The following P2RY2 variants were observed in gnomAD, a reference collection of about 807,000 sequenced individuals.
P2RY2 encodes the protein P2Y purinoceptor 2.
For missense variants in P2RY2, 567 were observed against 515.7 expected (o/e 1.10, Z -0.96); for synonymous variants, 241 against 231.9 (o/e 1.04, Z -0.35).
chr11:73,231,076 CTCT>C (rs1862441482), intron 2 of P2RY2, among the ~76,000 whole-genome samples: 1 of 152,186 alleles, frequency 6.6e-6, no homozygotes, highest in South Asian at 2.1e-4. Flanking sequence ...ATCTACCTGT[CTCT>C]TCTTAACTTG....
At chr11:73,228,710 C>G (rs917903652) in intron 2 of P2RY2, among the ~76,000 whole-genome samples, 11 of 152,198 alleles carry the variant, frequency 7.2e-5, no homozygotes, top group African/African-American at 2.7e-4. Flanking sequence ...ACCAGAACCC[C>G]TAGAGGGGCT....
At chr11:73,222,232 G>C (rs574996023) in intron 1 of P2RY2, among the ~76,000 whole-genome samples, 133 of 152,204 alleles carry the variant, frequency 8.7e-4, no homozygotes, top group Non-Finnish European at 1.3e-3. Flanking sequence ...AGAGCCTCTG[G>C]GTGTCGACCT....
Position 73,242,005 on chromosome 11 carries a change from C to T in P2RY2, c.*6712C>T, listed in dbSNP as rs906211326. ...CCTGTCCCCCTCCCACCCCACACCC[C>T]ACACTTGGCTGAGATCTCACAGTGG... On this transcript the variant is annotated 3_prime_UTR_variant, in exon 3 of 3. Transcript: ENST00000393597. The T allele has an allele frequency of 6.6e-6, 1 of 152,256 alleles. No individual in the cohort carries two copies. The highest frequency in any genetic ancestry group is 2.4e-5 in the African/African-American group (1 of 41,420). 9.4% of individuals were successfully genotyped at this position (152,256 alleles called of 1,614,324 possible).
At chr11:73,222,841 T>A (rs564938546) in intron 1 of P2RY2, among the ~76,000 whole-genome samples, 1 of 152,332 alleles carries the variant, frequency 6.6e-6, no homozygotes, top group East Asian at 1.9e-4. Flanking sequence ...TTATGGTTTA[T>A]TCACCCAAGT....
intron 1 of P2RY2, among the ~76,000 whole-genome samples, chr11:73,224,159 G>A (rs558406396): frequency 1.3e-4 from 20 of 152,316 alleles, no homozygotes; most frequent in Middle Eastern, 3.4e-3. Flanking sequence ...TGGTGCTCCC[G>A]GTGCAGAAGC....
At position 73,237,554 on chromosome 11, in the gene P2RY2, G is replaced by A. The variant is rs547974198; in HGVS notation, c.*2261G>A. Among the ~76,000 whole-genome samples, 8 of 152,190 alleles carry A rather than the reference G, an allele frequency of 5.3e-5. No individual in the cohort carries two copies. Among genetic ancestry groups the A allele is most frequent in the Middle Eastern group, 3.4e-3 (1 of 294 alleles). On this transcript the variant is annotated 3_prime_UTR_variant, in exon 3 of 3. Coordinates refer to ENST00000393597, the MANE Select transcript of P2RY2 (RefSeq NM_002564.4). Reference sequence around the variant, plus strand: ...TGAGCCACCGCACCCGGCCCCTCTTGAGCTTTCTTAATGATTGCCTGTTAC... The same window carrying A: ...TGAGCCACCGCACCCGGCCCCTCTTAAGCTTTCTTAATGATTGCCTGTTAC...
intron 1 of P2RY2, among the ~76,000 whole-genome samples, chr11:73,227,007 G>A (rs1235985436): frequency 6.6e-6 from 1 of 151,930 alleles, no homozygotes; most frequent in Non-Finnish European, 1.5e-5. Flanking sequence ...GTATACACAT[G>A]CCCTGGTGGT....
intron 1 of P2RY2, 115 bp from the exon 2 acceptor site, chr11:73,227,864 CCT>C (rs1181873761): frequency 6.6e-6 from 1 of 152,190 alleles, no homozygotes; most frequent in Non-Finnish European, 1.5e-5. Flanking sequence ...CACCAGGCCA[CCT>C]CTCTGCCTCC....
At chr11:73,233,571 A>G (rs1862522210) in intron 2 of P2RY2, among the ~76,000 whole-genome samples, 1 of 152,264 alleles carries the variant, frequency 6.6e-6, no homozygotes, top group Admixed American at 6.5e-5. Context: ...TCAGAATCCT[A>G]GATCTAAAAC....
chr11:73,223,242 T>TC lies in P2RY2; in HGVS notation c.-199-4734dup, dbSNP rs529247263. On this transcript the variant is annotated intron_variant, in intron 1 of 2. Transcript: ENST00000393597. ...ATGTGGTTCCTGGTTGATGCTTTCA[T>TC]CCCCCTTTCCACCTTGGATTCTCCA... Among the ~76,000 whole-genome samples the TC allele has an allele frequency of 5.3e-3, 800 of 152,276 alleles. 2 individuals carry two copies. The highest frequency in any genetic ancestry group is 0.01 in the Middle Eastern group (3 of 294).
chr11:73,235,604 G>A lies in P2RY2; in HGVS notation c.*311G>A. ...GCTGGCTGTACTGCCAAGGTACCTAGGTTGGAGTCCAGCCTAATCAAGTCA... is the reference window on the plus strand; with the variant it reads ...GCTGGCTGTACTGCCAAGGTACCTAAGTTGGAGTCCAGCCTAATCAAGTCA... On this transcript the variant is annotated 3_prime_UTR_variant, in exon 3 of 3. Transcript: ENST00000393597. The A allele has an allele frequency of 9.1e-7, 1 of 1,098,300 alleles. No individual in the cohort carries two copies. Among genetic ancestry groups the A allele is most frequent in the Non-Finnish European group, 1.1e-6 (1 of 894,676 alleles). The allele number at this position is 1,098,300 out of a possible 1,614,324, so 68.0% of individuals were successfully genotyped here.
At chr11:73,229,184 G>A (rs530382296) in intron 2 of P2RY2, among the ~76,000 whole-genome samples, 1 of 152,312 alleles carries the variant, frequency 6.6e-6, no homozygotes, top group Non-Finnish European at 1.5e-5. Context: ...CCTGAGGGGT[G>A]ATGGAAGGGA....
chr11:73,235,146 C>T lies in P2RY2; in HGVS notation c.987C>T (p.Ala329=). The T allele has an allele frequency of 3.1e-6, 5 of 1,609,122 alleles. No individual in the cohort carries two copies. The highest frequency in any genetic ancestry group is 4.2e-6 in the Non-Finnish European group (5 of 1,179,296). ...AGCCACCCACTGGCCCCAGCCCTGC[C>T]ACCCCGGCTCGCCGCAGGCTGGGCC... ...DAKPPTGPSP[A]TPARRRLGLR... The change falls in exon 3 of 3, where the codon GCC becomes GCT. Residue 329 remains alanine (A), a synonymous_variant. Coordinates refer to ENST00000393597, the MANE Select transcript of P2RY2 (RefSeq NM_002564.4).
chr11:73,233,737 G>T (rs1404076461), intron 2 of P2RY2, among the ~76,000 whole-genome samples: 2 of 152,186 alleles, frequency 1.3e-5, no homozygotes, highest in African/African-American at 4.8e-5. Context: ...TTTCTGCCTT[G>T]GCCTCCTGAG....
rs780577327 is a variant in P2RY2, at chr11:73,234,366, C to A, written c.207C>A (p.Thr69=). 7 of 1,614,232 alleles carry A rather than the reference C, an allele frequency of 4.3e-6. No homozygotes were observed. The highest frequency in any genetic ancestry group is 5.9e-6 in the Non-Finnish European group (7 of 1,180,034). The change falls in exon 3 of 3, where the codon ACC becomes ACA. Residue 69 remains threonine (T), a synonymous_variant. Coordinates refer to ENST00000393597, the MANE Select transcript of P2RY2 (RefSeq NM_002564.4). The part of the protein sequence containing the change: ...LCRLKTWNAS[T]TYMFHLAVSD... ...GCCTCAAGACCTGGAATGCGTCCACCACATATATGTTCCACCTGGCTGTGT... is the reference window on the plus strand; with the variant it reads ...GCCTCAAGACCTGGAATGCGTCCACAACATATATGTTCCACCTGGCTGTGT...
Position 73,234,481 on chromosome 11 carries a change from C to G in P2RY2, c.322C>G (p.Leu108Val), listed in dbSNP as rs1862560317. Residue 108 changes from leucine to valine, a missense_variant, in exon 3 of 3, where the codon CTG becomes GTG. Coordinates refer to ENST00000393597, the MANE Select transcript of P2RY2 (RefSeq NM_002564.4). ...GCCCTTCAGCACGGTGCTCTGCAAG[C>G]TGGTGCGCTTCCTCTTCTACACCAA... ...HWPFSTVLCK[L>V]VRFLFYTNLY... The G allele has an allele frequency of 6.2e-7, 1 of 1,614,026 alleles. No individual in the cohort carries two copies. Among genetic ancestry groups the G allele is most frequent in the Admixed American group, 1.7e-5 (1 of 60,012 alleles).
At chr11:73,224,632 G>A (rs1008883370) in intron 1 of P2RY2, among the ~76,000 whole-genome samples, 5 of 152,202 alleles carry the variant, frequency 3.3e-5, no homozygotes, top group South Asian at 4.1e-4. Context: ...AAGGGTGAGC[G>A]AGTGAAAGAG....
rs377384923 is a variant in P2RY2, at chr11:73,234,437, A to G, written c.278A>G (p.Tyr93Cys). The G allele has an allele frequency of 1.2e-6, 2 of 1,613,914 alleles. No individual in the cohort carries two copies. The highest frequency in any genetic ancestry group is 1.7e-6 in the Non-Finnish European group (2 of 1,180,000). ...AASLPLLVYY[Y>C]ARGDHWPFST... The stretch of plus-strand genomic sequence containing the variant: ...TCCCTGCCGCTGCTGGTCTATTACT[A>G]CGCCCGCGGCGACCACTGGCCCTTC... The change falls in exon 3 of 3, where the codon TAC becomes TGC. Residue 93 changes from tyrosine (Y) to cysteine (C), a missense_variant. Tyr to Cys is a radical substitution (Grantham distance 194). Transcript: ENST00000393597.
Position 73,239,026 on chromosome 11 carries a change from C to T in P2RY2, c.*3733C>T, listed in dbSNP as rs1053074594. ...ATTTCTAAAGTGTGCTGCTACCTTC[C>T]ATGCAGGGCGTTGAGGGGCTTCCCT... On this transcript the variant is annotated 3_prime_UTR_variant, in exon 3 of 3. Transcript: ENST00000393597. 2.0e-5 allele frequency: 3 copies of T among 152,232 alleles called. No homozygotes were observed. The highest frequency in any genetic ancestry group is 7.2e-5 in the African/African-American group (3 of 41,450). The allele number at this position is 152,232 out of a possible 1,614,324, so 9.4% of individuals were successfully genotyped here.
Sources: gnomAD v4.1 joint callset for allele counts (sites outside exome capture counted in the v4.1 genomes callset) on GRCh38, gnomAD v4.1.1 for gene constraint, MANE v1.5 for transcripts, NCBI Gene and HGNC (gene_info 2026-07-23, HGNC 2026-07-21) for gene names.